The following KAZN variants were observed in gnomAD, a reference collection of about 807,000 sequenced individuals.
KAZN encodes the protein kazrin.
KAZN carries 40 observed loss-of-function variants against 87.4 expected under a neutral mutation model. The observed-to-expected ratio is 0.46, with a 90% CI of 0.36 to 0.60. KAZN has a LOEUF of 0.60. Ranked by LOEUF, KAZN falls within the 20% of genes least tolerant of loss-of-function variation. KAZN has a pLI of 0.00. For synonymous variants in KAZN, 466 were observed against 458.3 expected, an observed-to-expected ratio of 1.02 and a Z score of -0.22; for missense variants, 898 against 1,073.9, an observed-to-expected ratio of 0.84 and a Z score of 2.29.
At chr1:15,098,800 C>A (rs1432756967) in intron 10 of KAZN, among the ~76,000 whole-genome samples, 1 of 152,234 alleles carries the variant, frequency 6.6e-6, no homozygotes, top group Non-Finnish European at 1.5e-5. Context: ...GGGCAGATGA[C>A]CCGCTCACCC....
intron 1 of KAZN, among the ~76,000 whole-genome samples, chr1:14,608,268 T>G (rs1430750211): frequency 6.6e-6 from 1 of 152,230 alleles, no homozygotes; most frequent in East Asian, 1.9e-4. Flanking sequence ...CCATCTATTG[T>G]GAGAGATTGG....
intron 2 of KAZN, among the ~76,000 whole-genome samples, chr1:14,466,863 G>A (rs1162704700): frequency 6.6e-6 from 1 of 152,126 alleles, no homozygotes; most frequent in Non-Finnish European, 1.5e-5. Context: ...CAGCTACTTG[G>A]GAGGCTGAGG....
At chr1:15,108,950 C>G (rs768140422) in intron 13 of KAZN, among the ~76,000 whole-genome samples, 1 of 152,120 alleles carries the variant, frequency 6.6e-6, no homozygotes, top group Non-Finnish European at 1.5e-5. Context: ...TTCATCTTAT[C>G]CAAAGGCCTA....
intron 2 of KAZN, among the ~76,000 whole-genome samples, chr1:14,192,711 A>G (rs1570979957): frequency 6.6e-6 from 1 of 152,154 alleles, no homozygotes; most frequent in East Asian, 1.9e-4. Context: ...CCTCTACAAA[A>G]CACAGTTATG....
intron 1 of KAZN, among the ~76,000 whole-genome samples, chr1:14,679,744 G>A (rs1180507022): frequency 6.6e-6 from 1 of 152,168 alleles, no homozygotes; most frequent in Non-Finnish European, 1.5e-5. Flanking sequence ...CTGAGGCTTA[G>A]AGAGGTAAGA....
At chr1:14,968,569 G>C (rs1329706949) in intron 2 of KAZN, among the ~76,000 whole-genome samples, 1 of 152,164 alleles carries the variant, frequency 6.6e-6, no homozygotes, top group Non-Finnish European at 1.5e-5. Context: ...CTCTCTCAGG[G>C]CTTAGGACAC....
intron 1 of KAZN, among the ~76,000 whole-genome samples, chr1:14,761,655 A>G (rs1172947969): frequency 1.3e-5 from 2 of 152,222 alleles, no homozygotes; most frequent in Non-Finnish European, 2.9e-5. Context: ...AAAACCCTAA[A>G]TAATCTTCCT....
intron 1 of KAZN, among the ~76,000 whole-genome samples, chr1:14,896,095 G>C (rs891630107): frequency 1.4e-5 from 2 of 141,370 alleles, no homozygotes; most frequent in African/African-American, 5.5e-5. Context: ...TTGCTCTGTT[G>C]CTAGGCTGGA....
chr1:14,966,473 T>G (rs1164276997), intron 2 of KAZN, among the ~76,000 whole-genome samples: 3 of 152,208 alleles, frequency 2.0e-5, no homozygotes, highest in Non-Finnish European at 2.9e-5. Context: ...GTACGCAGTT[T>G]TGTATTAATA....
intron 2 of KAZN, among the ~76,000 whole-genome samples, chr1:14,325,637 G>A (rs1656356750): frequency 6.6e-6 from 1 of 152,090 alleles, no homozygotes; most frequent in Non-Finnish European, 1.5e-5. Context: ...GAAACTCAAG[G>A]AACTTCTTAA....
At chr1:14,801,323 A>G (rs1354449552) in intron 1 of KAZN, among the ~76,000 whole-genome samples, 2 of 152,264 alleles carry the variant, frequency 1.3e-5, no homozygotes, top group South Asian at 2.1e-4. Context: ...CTGTGCCGTT[A>G]TGACTGGCTG....
At chr1:14,208,746 C>A (rs568550563) in intron 2 of KAZN, among the ~76,000 whole-genome samples, 1 of 152,244 alleles carries the variant, frequency 6.6e-6, no homozygotes, top group South Asian at 2.1e-4. Flanking sequence ...AAAGGGTAGT[C>A]TCAGCCAGCA....
At chr1:14,388,679 A>G (rs1662161592) in intron 2 of KAZN, among the ~76,000 whole-genome samples, 1 of 152,198 alleles carries the variant, frequency 6.6e-6, no homozygotes, top group Non-Finnish European at 1.5e-5. Flanking sequence ...CCTATCTCTA[A>G]AAATATACAA....
chr1:14,761,225 T>C (rs1473093084), intron 1 of KAZN, among the ~76,000 whole-genome samples: 1 of 152,116 alleles, frequency 6.6e-6, no homozygotes, highest in Non-Finnish European at 1.5e-5. Flanking sequence ...AGGAATCTCT[T>C]CCTGGAGCCC....
chr1:14,595,361 C>T (rs1676427824), upstream of KAZN, among the ~76,000 whole-genome samples: 1 of 151,950 alleles, frequency 6.6e-6, no homozygotes, highest in South Asian at 2.1e-4. Flanking sequence ...TCCGGAGGAG[C>T]GGTGGTAAAG....
intron 2 of KAZN, among the ~76,000 whole-genome samples, chr1:14,376,599 T>C (rs1660936533): frequency 6.6e-6 from 1 of 152,214 alleles, no homozygotes; most frequent in African/African-American, 2.4e-5. Context: ...TATTATAAAT[T>C]ACTCAGTTTG....
chr1:14,557,207 C>T (rs757278751), intron 2 of KAZN, among the ~76,000 whole-genome samples: 6 of 152,166 alleles, frequency 3.9e-5, no homozygotes, highest in Non-Finnish European at 7.3e-5. Context: ...CTTAAGTTAT[C>T]CCCAACACCT....
chr1:14,133,376 A>AG (rs1480680673), intron 1 of KAZN, among the ~76,000 whole-genome samples: 46 of 75,898 alleles, frequency 6.1e-4, no homozygotes, highest in East Asian at 1.7e-3. Flanking sequence ...AAAAAAAAAA[A>AG]AAAAGAAAGA....
intron 1 of KAZN, among the ~76,000 whole-genome samples, chr1:14,883,355 A>AAAGAAAGGAAAG: frequency 4.8e-5 from 1 of 20,620 alleles, no homozygotes; most frequent in African/African-American, 1.5e-4. Context: ...AGAAAGAAAG[A>AAAGAAAGGAAAG]AAAGAAAGAA....
Sources: gnomAD v4.1 joint callset for allele counts (sites outside exome capture counted in the v4.1 genomes callset) on GRCh38, gnomAD v4.1.1 for gene constraint, MANE v1.5 for transcripts, NCBI Gene and HGNC (gene_info 2026-07-23, HGNC 2026-07-21) for gene names.